LIPC: variants seen among roughly 807,000 people sequenced by gnomAD.
LIPC encodes the protein lipase C, hepatic type, also known as hepatic triacylglycerol lipase.
LIPC carries 44 observed loss-of-function variants against 50.7 expected under a neutral mutation model. The observed-to-expected ratio is 0.87, with a 90% CI of 0.68 to 1.11. The LOEUF (loss-of-function observed/expected upper bound fraction) is 1.11, where lower values mean the gene tolerates loss of function less well. Among genes scored for constraint, LIPC ranks in the 50% most tolerant of loss-of-function variants. The probability of loss-of-function intolerance (pLI) is 0.00; values close to 1 mark genes in which losing one functional copy is unlikely to be tolerated. For synonymous variants in LIPC, 271 were observed against 256.4 expected (o/e 1.06, Z -0.54); for missense variants, 697 against 648.2 (o/e 1.08, Z -0.82).
chr15:58,447,597 A>G (rs149641233), intron 1 of LIPC, among the ~76,000 whole-genome samples: 4 of 152,332 alleles, frequency 2.6e-5, no homozygotes, highest in East Asian at 1.9e-4. Flanking sequence ...CAGGACCTCA[A>G]TGAGAGTTTT....
chr15:58,548,687 T>G (rs1000547532), intron 6 of LIPC, 115 bp downstream of exon 6: 11 of 1,362,758 alleles, frequency 8.1e-6, no homozygotes, highest in Non-Finnish European at 1.0e-5. Flanking sequence ...TGTTGCGGTG[T>G]TTCTGAAACT....
At chr15:58,458,738 C>T (rs1566914166) in intron 1 of LIPC, among the ~76,000 whole-genome samples, 1 of 152,188 alleles carries the variant, frequency 6.6e-6, no homozygotes, top group Non-Finnish European at 1.5e-5. Context: ...CCCCTCTGCC[C>T]CTCAAAATTA....
chr15:58,506,171 T>C (rs8038906), intron 1 of LIPC, among the ~76,000 whole-genome samples: 119,378 of 152,116 alleles, frequency 0.78, 47,148 homozygotes, highest in African/African-American at 0.88. Context: ...CCTTTCCCAG[T>C]ACCGTGCTTC....
chr15:58,538,490 T>A lies in LIPC; in HGVS notation c.246T>A (p.Pro82=), dbSNP rs1164853846. 2.5e-6 allele frequency: 4 copies of A among 1,614,194 alleles called. No individual in the cohort carries two copies. In the South Asian group the frequency reaches 3.3e-5, roughly 13 times the overall value. The change falls in exon 2 of 9, where the codon CCT becomes CCA. Residue 82 remains proline (P), a synonymous_variant. Coordinates refer to ENST00000299022, the MANE Select transcript of LIPC (RefSeq NM_000236.3). The stretch of plus-strand genomic sequence containing the variant: ...AGTGCGGCTTCAACTCCTCCCTGCC[T>A]CTGGTGATGATAATCCACGGGTGGT... The part of the protein sequence containing the change: ...LQECGFNSSL[P]LVMIIHGWSV...
chr15:58,534,326 C>A (rs1893048021), intron 1 of LIPC, among the ~76,000 whole-genome samples: 1 of 152,106 alleles, frequency 6.6e-6, no homozygotes, highest in Non-Finnish European at 1.5e-5. Context: ...ACGGGCTTCC[C>A]TTAGGATGCC....
intron 6 of LIPC, among the ~76,000 whole-genome samples, chr15:58,557,234 T>C (rs556115669): frequency 6.6e-6 from 1 of 152,296 alleles, no homozygotes; most frequent in East Asian, 1.9e-4. Flanking sequence ...AACTTCTCTG[T>C]CCTTCAGTTT....
intron 1 of LIPC, among the ~76,000 whole-genome samples, chr15:58,492,483 T>C (rs1481492616): frequency 6.6e-6 from 1 of 152,144 alleles, no homozygotes; most frequent in Non-Finnish European, 1.5e-5. Context: ...CACAAAAGTA[T>C]TAGCTATGAA....
intron 1 of LIPC, among the ~76,000 whole-genome samples, chr15:58,496,269 C>T (rs1459278096): frequency 6.6e-6 from 1 of 152,198 alleles, no homozygotes; most frequent in Non-Finnish European, 1.5e-5. Flanking sequence ...ATGCACCAGA[C>T]AGCCTTCACA....
chr15:58,439,280 C>A (rs146875538), intron 1 of LIPC, among the ~76,000 whole-genome samples: 6 of 152,228 alleles, frequency 3.9e-5, no homozygotes, highest in African/African-American at 1.4e-4. Flanking sequence ...TTTGTCTCTT[C>A]CCCTCTTTAT....
intron 1 of LIPC, among the ~76,000 whole-genome samples, chr15:58,531,503 G>A (rs1387867405): frequency 6.6e-6 from 1 of 151,226 alleles, no homozygotes; most frequent in African/African-American, 2.4e-5. Flanking sequence ...GAGAATTTAA[G>A]AGAAAAGTTT....
chr15:58,549,479 T>C (rs1893670529), intron 6 of LIPC, among the ~76,000 whole-genome samples: 1 of 152,162 alleles, frequency 6.6e-6, no homozygotes, highest in Non-Finnish European at 1.5e-5. Context: ...TCCTTGTGGT[T>C]CTCCCAACAG....
chr15:58,557,447 C>T (rs924205998), intron 6 of LIPC, among the ~76,000 whole-genome samples: 23 of 120,820 alleles, frequency 1.9e-4, no homozygotes, highest in African/African-American at 3.8e-4. Flanking sequence ...CGCAGTGGCG[C>T]GATCTCAGCT....
intron 1 of LIPC, among the ~76,000 whole-genome samples, chr15:58,478,471 T>C (rs1024090764): frequency 6.6e-6 from 1 of 152,124 alleles, no homozygotes; most frequent in Non-Finnish European, 1.5e-5. Context: ...GCTCCTGACC[T>C]CAAGTGATCC....
At chr15:58,545,626 C>T (rs527500875) in intron 4 of LIPC, 116 bp from the exon 5 acceptor site, 50 of 850,260 alleles carry the variant, frequency 5.9e-5, no homozygotes, top group South Asian at 5.6e-4. Flanking sequence ...ATCAGCCCTA[C>T]GTGTTTCTTC....
At chr15:58,437,438 C>T (rs1893341664) in intron 1 of LIPC, among the ~76,000 whole-genome samples, 2 of 151,716 alleles carry the variant, frequency 1.3e-5, no homozygotes, top group Non-Finnish European at 2.9e-5. Context: ...ATTATGAAAA[C>T]ACTGTAGACA....
At chr15:58,559,601 T>C (rs1225695803) in intron 6 of LIPC, among the ~76,000 whole-genome samples, 2 of 151,098 alleles carry the variant, frequency 1.3e-5, no homozygotes, top group African/African-American at 4.9e-5. Context: ...ACACTGTAGA[T>C]GCTTAGAGAA....
intron 1 of LIPC, among the ~76,000 whole-genome samples, chr15:58,496,387 T>C (rs1433988472): frequency 6.6e-6 from 1 of 152,150 alleles, no homozygotes; most frequent in Non-Finnish European, 1.5e-5. Context: ...TTACAAGCAG[T>C]CATCTACAGT....
At chr15:58,536,315 G>T (rs1415051433) in intron 1 of LIPC, among the ~76,000 whole-genome samples, 1 of 152,144 alleles carries the variant, frequency 6.6e-6, no homozygotes, top group Non-Finnish European at 1.5e-5. Flanking sequence ...GGAGGTGGGG[G>T]ATGAGGGATC....
intron 6 of LIPC, 129 bp from the exon 7 acceptor site, chr15:58,560,732 ATGT>A (rs1448328665): frequency 2.1e-4 from 131 of 621,586 alleles, no homozygotes; most frequent in Non-Finnish European, 5.5e-5. Context: ...GAGCAAAAAA[ATGT>A]TGTTAACATA....
Sources: allele counts gnomAD v4.1 joint callset (sites outside exome capture counted in the v4.1 genomes callset), GRCh38; gene constraint gnomAD v4.1.1; transcripts MANE v1.5; gene names NCBI Gene and HGNC (gene_info 2026-07-23, HGNC 2026-07-21).